The following BCKDHB variants were observed in gnomAD, a reference collection of about 807,000 sequenced individuals.
The protein encoded by BCKDHB is 2-oxoisovalerate dehydrogenase subunit beta, mitochondrial.
Under a neutral mutation model 48.5 loss-of-function variants are expected in BCKDHB, and 41 were observed. The observed-to-expected ratio is 0.85, with a 90% CI of 0.66 to 1.10. The LOEUF (loss-of-function observed/expected upper bound fraction) is 1.10, where lower values mean the gene tolerates loss of function less well. Among genes scored for constraint, BCKDHB ranks in the 50% least tolerant of loss-of-function variants. The pLI is 0.00. For missense variants in BCKDHB, 496 were observed against 494.2 expected (o/e 1.00, Z -0.03); for synonymous variants, 201 against 174.8 (o/e 1.15, Z -1.18).
the BCKDHB span, among the ~76,000 whole-genome samples, chr6:80,361,009 A>AC: frequency 1.5e-4 from 22 of 151,350 alleles, no homozygotes; most frequent in Non-Finnish European, 2.7e-4. Context: ...ATCTCAAAAA[A>AC]AAAAAAAAAG....
chr6:80,455,378 C>G, the BCKDHB span, among the ~76,000 whole-genome samples: 1 of 151,800 alleles, frequency 6.6e-6, no homozygotes, highest in African/African-American at 2.4e-5. Flanking sequence ...GGTCCTGAAT[C>G]TCACACATGT....
intron 9 of BCKDHB, among the ~76,000 whole-genome samples, chr6:80,306,143 T>G (rs1326639429): frequency 6.6e-6 from 1 of 152,230 alleles, no homozygotes; most frequent in East Asian, 1.9e-4. Flanking sequence ...TTCATTTTGT[T>G]TACACCTTTA....
At chr6:80,199,841 G>T (rs1238269747) in intron 6 of BCKDHB, among the ~76,000 whole-genome samples, 2 of 149,338 alleles carry the variant, frequency 1.3e-5, no homozygotes, top group South Asian at 4.2e-4. Flanking sequence ...GGAGGCCAAG[G>T]TGGGTGGATC....
In BCKDHB at chr6:80,106,791, G is replaced by A. The variant is rs766811326; in HGVS notation, c.98G>A (p.Arg33Gln). The change falls in exon 1 of 10, where the codon CGG becomes CAG. Residue 33 changes from arginine to glutamine, a missense_variant. Physicochemically the swap from Arg to Gln is conservative, Grantham distance 43. Coordinates refer to ENST00000320393, the MANE Select transcript of BCKDHB (RefSeq NM_183050.4). Reference sequence around the variant, plus strand: ...CGGCTTCCTGGCGCGGGGCTGGCGCGGGGCTTTTTGCACCCCGCCGCGACT... The same window carrying A: ...CGGCTTCCTGGCGCGGGGCTGGCGCAGGGCTTTTTGCACCCCGCCGCGACT... ...WRRLPGAGLA[R>Q]GFLHPAATVE... 4 of 1,600,292 alleles carry A rather than the reference G, an allele frequency of 2.5e-6. No individual in the cohort carries two copies. The Admixed American group carries it at 6.8e-5, about 27-fold the overall frequency.
the BCKDHB span, among the ~76,000 whole-genome samples, chr6:80,444,730 G>A: frequency 4.4e-3 from 664 of 152,160 alleles, 9 homozygotes; most frequent in African/African-American, 0.015. Context: ...AAAATGTCTT[G>A]CATATAGATA....
chr6:80,360,556 A>T, the BCKDHB span, among the ~76,000 whole-genome samples: 2 of 152,236 alleles, frequency 1.3e-5, no homozygotes, highest in African/African-American at 2.4e-5. Flanking sequence ...TAAGAGCCTT[A>T]TGTTCACAGA....
intron 9 of BCKDHB, among the ~76,000 whole-genome samples, chr6:80,276,679 C>CT (rs528261650): frequency 2.0e-4 from 30 of 147,228 alleles, no homozygotes; most frequent in African/African-American, 4.2e-4. Context: ...ATTCCTGCTA[C>CT]TTTTTTTTTT....
At chr6:80,389,504 G>T in the BCKDHB span, among the ~76,000 whole-genome samples, 1 of 152,214 alleles carries the variant, frequency 6.6e-6, no homozygotes, top group African/African-American at 2.4e-5. Flanking sequence ...ATATGGGTTT[G>T]CCTATGCTGC....
chr6:80,294,878 A>T (rs1767141203), intron 9 of BCKDHB, among the ~76,000 whole-genome samples: 2 of 151,686 alleles, frequency 1.3e-5, no homozygotes, highest in Non-Finnish European at 2.9e-5. Context: ...TTGGACCCTT[A>T]TCAGTGGTTC....
At chr6:80,135,197 G>T (rs548558014) in intron 3 of BCKDHB, among the ~76,000 whole-genome samples, 3 of 152,054 alleles carry the variant, frequency 2.0e-5, no homozygotes, top group Non-Finnish European at 4.4e-5. Flanking sequence ...GGGTTATTTG[G>T]GTGATACTCA....
rs150342732 is a variant in BCKDHB at position 80,182,131 on chromosome 6, C to A, written c.742+10741C>A. The stretch of plus-strand genomic sequence containing the variant: ...TTCTTAAAATCGCATGGTAGCATTT[C>A]TTGTAAATCTACAGTTCCAGATATC... On this transcript the variant is annotated intron_variant, in intron 6 of 9. Coordinates refer to ENST00000320393, the MANE Select transcript of BCKDHB (RefSeq NM_183050.4). Among the ~76,000 whole-genome samples the A allele has an allele frequency of 1.7e-3, 265 of 152,266 alleles. 1 individual carries two copies. The highest frequency in any genetic ancestry group is 6.0e-3 in the African/African-American group (251 of 41,564).
intron 8 of BCKDHB, among the ~76,000 whole-genome samples, chr6:80,203,899 T>A (rs2127828163): frequency 6.6e-6 from 1 of 152,218 alleles, no homozygotes; most frequent in Non-Finnish European, 1.5e-5. Context: ...GCATCTATTT[T>A]CATATTGATA....
chr6:80,365,540 C>T, the BCKDHB span, among the ~76,000 whole-genome samples: 8 of 152,170 alleles, frequency 5.3e-5, no homozygotes, highest in Non-Finnish European at 1.2e-4. Flanking sequence ...AAAAATATGG[C>T]TCTTTTTGCC....
At chr6:80,152,677 G>A (rs1317332874) in intron 3 of BCKDHB, among the ~76,000 whole-genome samples, 1 of 152,140 alleles carries the variant, frequency 6.6e-6, no homozygotes, top group African/African-American at 2.4e-5. Flanking sequence ...ACTAGTAGTT[G>A]ATTTATTATT....
chr6:80,263,193 C>T (rs560222055), intron 8 of BCKDHB, among the ~76,000 whole-genome samples: 30 of 152,100 alleles, frequency 2.0e-4, no homozygotes, highest in African/African-American at 5.1e-4. Flanking sequence ...CGTGACAGAG[C>T]GAGACCTTGT....
chr6:80,137,545 A>G (rs1770949838), intron 3 of BCKDHB, among the ~76,000 whole-genome samples: 1 of 152,170 alleles, frequency 6.6e-6, no homozygotes, highest in South Asian at 2.1e-4. Context: ...CCAGTGGCTT[A>G]ACAAATACCA....
Position 80,178,183 on chromosome 6 carries a change from G to A in BCKDHB, c.742+6793G>A, listed in dbSNP as rs1773254175. On this transcript the variant is annotated intron_variant, in intron 6 of 9. Coordinates refer to ENST00000320393, the MANE Select transcript of BCKDHB (RefSeq NM_183050.4). ...CTGGTATTTTCTACGTGGAGTCAGA[G>A]TTTAACTTTCTATGGGTGGTTTGCC... Among the ~76,000 whole-genome samples the A allele has an allele frequency of 3.9e-5, 6 of 152,320 alleles. No individual in the cohort carries two copies. In the South Asian group the frequency reaches 1.2e-3, roughly 32 times the overall value.
the BCKDHB span, among the ~76,000 whole-genome samples, chr6:80,440,389 A>G: frequency 6.6e-6 from 1 of 152,228 alleles, no homozygotes; most frequent in African/African-American, 2.4e-5. Flanking sequence ...TGAATGTCAC[A>G]TAAAAAGAAT....
At chr6:80,317,305 T>TAA (rs1768496847) in intron 9 of BCKDHB, among the ~76,000 whole-genome samples, 3 of 152,218 alleles carry the variant, frequency 2.0e-5, no homozygotes, top group African/African-American at 7.2e-5. Context: ...TCTGTAGGTT[T>TAA]AGAGTCCAAC....
Sources: gnomAD v4.1 joint callset for allele counts (sites outside exome capture counted in the v4.1 genomes callset) on GRCh38, gnomAD v4.1.1 for gene constraint, MANE v1.5 for transcripts, NCBI Gene and HGNC (gene_info 2026-07-23, HGNC 2026-07-21) for gene names.